ALG14: variants seen among roughly 807,000 people sequenced by gnomAD.
ALG14 encodes ALG14 UDP-N-acetylglucosaminyltransferase subunit.
Under a neutral mutation model 22.8 loss-of-function variants are expected in ALG14, and 17 were observed. The observed-to-expected ratio is 0.75, with a 90% CI of 0.51 to 1.12. The LOEUF (loss-of-function observed/expected upper bound fraction) is 1.12. ALG14 is among the 50% of genes most tolerant of loss of function. ALG14 has a pLI of 0.00. For synonymous variants in ALG14, 89 were observed against 103.7 expected (o/e 0.86, Z 0.86); for missense variants, 288 against 271.8 (o/e 1.06, Z -0.42).
At chr1:95,055,898 T>C (rs1674914699) in intron 2 of ALG14, among the ~76,000 whole-genome samples, 1 of 133,882 alleles carries the variant, frequency 7.5e-6, no homozygotes, top group African/African-American at 2.9e-5. Context: ...TAGTCCCAGC[T>C]ACTTGGGAGG....
rs543826474 is a variant in ALG14, at chr1:95,027,749, G to A, written c.289-489C>T. ...GACAGTGGATAACCAGTGTTGTTGA[G>A]AGTATGGGGAAATAGACATTTACAT... On this transcript the variant is annotated intron_variant, in intron 2 of 3. Coordinates refer to ENST00000370205, the MANE Select transcript of ALG14 (RefSeq NM_144988.4). 3.5e-4 allele frequency among the ~76,000 whole-genome samples: 54 copies of A among 152,356 alleles called. No individual in the cohort carries two copies. In the Middle Eastern group the frequency reaches 0.01, roughly 29 times the overall value.
chr1:94,976,922 A>G lies in ALG14; in HGVS notation c.*6154T>C, dbSNP rs542413975. On this transcript the variant is annotated 3_prime_UTR_variant, in exon 4 of 4. Coordinates refer to ENST00000370205, the MANE Select transcript of ALG14 (RefSeq NM_144988.4). ...TCAGTCATGTGAGTCCTTAAAAGAT[A>G]GGAAGCAGGCCACCACAAATCCTAC... 2 of 152,238 alleles carry G rather than the reference A, an allele frequency of 1.3e-5. No homozygotes were observed. Among genetic ancestry groups the G allele is most frequent in the Non-Finnish European group, 2.9e-5 (2 of 68,042 alleles). The allele number at this position is 152,238 out of a possible 1,614,324, so 9.4% of individuals were successfully genotyped here.
intron 1 of ALG14, among the ~76,000 whole-genome samples, chr1:95,072,120 C>G (rs1675585288): frequency 6.6e-6 from 1 of 152,206 alleles, no homozygotes; most frequent in Admixed American, 6.5e-5. Flanking sequence ...TCATACTATA[C>G]ATGTTCTATC....
chr1:95,044,550 C>T (rs1433286954), intron 2 of ALG14, among the ~76,000 whole-genome samples: 3 of 152,142 alleles, frequency 2.0e-5, no homozygotes, highest in African/African-American at 7.2e-5. Context: ...AGAGACTTTT[C>T]CCTCTGCTTG....
chr1:95,002,481 A>G (rs1480832371), intron 3 of ALG14, among the ~76,000 whole-genome samples: 1 of 152,194 alleles, frequency 6.6e-6, no homozygotes, highest in African/African-American at 2.4e-5. Context: ...GAAGAGAAAA[A>G]TATGTCCAAA....
In ALG14 at chr1:94,976,016, C is replaced by CAAAAAAAAAA. The variant is rs775056839; in HGVS notation, c.*7050_*7059dup. On this transcript the variant is annotated 3_prime_UTR_variant, in exon 4 of 4. Transcript: ENST00000370205. ...TGGGCAACAGAGCGAGACTCTGTCTCAAAAAAAAAAAAAAAAAAAAAAAAG... is the reference window on the plus strand; with the variant it reads ...TGGGCAACAGAGCGAGACTCTGTCTCAAAAAAAAAAAAAAAAAAAAAAAAAAAAAAAAAAG... 1.6e-4 allele frequency: 8 copies of CAAAAAAAAAA among 50,886 alleles called. No individual in the cohort carries two copies. Among genetic ancestry groups the CAAAAAAAAAA allele is most frequent in the Admixed American group, 2.4e-4 (1 of 4,148 alleles). 3.2% of individuals were successfully genotyped at this position (50,886 alleles called of 1,614,324 possible).
rs142722262 is a variant in ALG14 at position 94,974,536 on chromosome 1, T to C, written c.*8540A>G. The C allele has an allele frequency of 5.3e-5, 8 of 152,308 alleles. No individual in the cohort carries two copies. The East Asian group carries it at 1.4e-3, about 26-fold the overall frequency. 9.4% of individuals were successfully genotyped at this position (152,308 alleles called of 1,614,324 possible). ...ATGGTTAAAGATTTAAAAGAATCCA[T>C]TGGTTTCTTTTTCACTGCTGCATGC... On this transcript the variant is annotated 3_prime_UTR_variant, in exon 4 of 4. Coordinates refer to ENST00000370205, the MANE Select transcript of ALG14 (RefSeq NM_144988.4).
At chr1:95,070,162 G>C (rs1179264677) in intron 1 of ALG14, among the ~76,000 whole-genome samples, 2 of 152,192 alleles carry the variant, frequency 1.3e-5, no homozygotes, top group Non-Finnish European at 2.9e-5. Flanking sequence ...CATGCTCAGA[G>C]AGACCAAGAA....
intron 3 of ALG14, among the ~76,000 whole-genome samples, chr1:94,985,123 C>T (rs1006474406): frequency 2.6e-5 from 4 of 151,148 alleles, no homozygotes; most frequent in African/African-American, 9.7e-5. Context: ...CTTCAGGTCA[C>T]TTTTTTTTTA....
chr1:95,063,091 A>G (rs1443517681), intron 2 of ALG14, among the ~76,000 whole-genome samples: 1 of 152,228 alleles, frequency 6.6e-6, no homozygotes, highest in Admixed American at 6.5e-5. Flanking sequence ...GGCTGCATGA[A>G]TGTCTTCTTT....
rs1323090532 is a variant in ALG14, at chr1:95,067,609, G to A, written c.137-2592C>T. On this transcript the variant is annotated intron_variant, in intron 1 of 3. Transcript: ENST00000370205. Reference sequence around the variant, plus strand: ...TTTTTTTGAGAATAAGAATCTCTAAGTTCTACCTTAAAATACATCCAGCAT... The same window carrying A: ...TTTTTTTGAGAATAAGAATCTCTAAATTCTACCTTAAAATACATCCAGCAT... 3 of 152,050 alleles carry A rather than the reference G, an allele frequency of 2.0e-5. No individual in the cohort carries two copies. In the East Asian group the frequency reaches 5.8e-4, roughly 29 times the overall value. 9.4% of individuals were successfully genotyped at this position (152,050 alleles called of 1,614,324 possible).
rs570630600 is a variant in ALG14 at position 95,023,108 on chromosome 1, G to A, written c.420+4021C>T. 5.3e-5 allele frequency among the ~76,000 whole-genome samples: 8 copies of A among 152,076 alleles called. No individual in the cohort carries two copies. The East Asian group carries it at 1.4e-3, about 26-fold the overall frequency. ...AAAAAATCACAGTATCCTACTTATA[G>A]ATAATAACCCACCATCCATGTCATC... On this transcript the variant is annotated intron_variant, in intron 3 of 3. Coordinates refer to ENST00000370205, the MANE Select transcript of ALG14 (RefSeq NM_144988.4).
intron 3 of ALG14, among the ~76,000 whole-genome samples, chr1:94,995,315 G>C (rs981255051): frequency 2.3e-4 from 35 of 149,790 alleles, no homozygotes; most frequent in African/African-American, 8.8e-4. Flanking sequence ...TACAGAAAGA[G>C]ACAGACACAT....
rs570476446 is a variant in ALG14 at position 94,974,672 on chromosome 1, C to T, written c.*8404G>A. The T allele has an allele frequency of 1.3e-5, 2 of 152,264 alleles. No individual in the cohort carries two copies. The highest frequency in any genetic ancestry group is 1.9e-4 in the East Asian group (1 of 5,178). The allele number at this position is 152,264 out of a possible 1,614,324, so 9.4% of individuals were successfully genotyped here. A position where few individuals can be genotyped will look rare whatever the true frequency, so the allele number is the denominator to read the frequency against. ...AATTTCTTCCTCTTTTAATATTAAG[C>T]GAAAGTACCCAAGCTTTGGAGAAAC... is the stretch of plus-strand genomic sequence containing the variant. On this transcript the variant is annotated 3_prime_UTR_variant, in exon 4 of 4. Transcript: ENST00000370205.
chr1:95,029,203 C>A (rs1400152095), intron 2 of ALG14, among the ~76,000 whole-genome samples: 4 of 104,204 alleles, frequency 3.8e-5, no homozygotes, highest in African/African-American at 1.6e-4. Flanking sequence ...CAAGGTGGCT[C>A]ACTCAATGGC....
chr1:95,061,607 T>C (rs1675155160), intron 2 of ALG14: 1 of 152,260 alleles, frequency 6.6e-6, no homozygotes, highest in Non-Finnish European at 1.5e-5. Flanking sequence ...AACACAGCTA[T>C]AGCAGGGCCT....
rs985611845 is a variant in ALG14, at chr1:94,978,309, C to A, written c.*4767G>T. 1 of 152,158 alleles carries A rather than the reference C, an allele frequency of 6.6e-6. No homozygotes were observed. The highest frequency in any genetic ancestry group is 2.4e-5 in the African/African-American group (1 of 41,414). 9.4% of individuals were successfully genotyped at this position (152,158 alleles called of 1,614,324 possible). A position where few individuals can be genotyped will look rare whatever the true frequency, so the allele number is the denominator to read the frequency against. ...AACTCCTGACCTTGTGATACACCCA[C>A]CTTGGCCTCCCAAAGTGCTGGGATT... is the stretch of plus-strand genomic sequence containing the variant. On this transcript the variant is annotated 3_prime_UTR_variant, in exon 4 of 4. Coordinates refer to ENST00000370205, the MANE Select transcript of ALG14 (RefSeq NM_144988.4).
intron 3 of ALG14, among the ~76,000 whole-genome samples, chr1:94,986,508 C>G (rs1413467801): frequency 6.6e-6 from 1 of 151,942 alleles, no homozygotes; most frequent in African/African-American, 2.4e-5. Flanking sequence ...CAGTCTTGCT[C>G]TGTCACCAGG....
chr1:95,014,199 T>C (rs531933268), intron 3 of ALG14, among the ~76,000 whole-genome samples: 4 of 152,200 alleles, frequency 2.6e-5, no homozygotes, highest in Non-Finnish European at 5.9e-5. Context: ...TGATCTGTTA[T>C]TGATTTAAGA....
Sources: allele counts gnomAD v4.1 joint callset (sites outside exome capture counted in the v4.1 genomes callset), GRCh38; gene constraint gnomAD v4.1.1; transcripts MANE v1.5; gene names NCBI Gene and HGNC (gene_info 2026-07-23, HGNC 2026-07-21).